The following CYRIA variants were observed in gnomAD, a reference collection of about 807,000 sequenced individuals.
CYRIA encodes the protein CYFIP-related Rac1 interactor A.
A neutral mutation model predicts 43.9 loss-of-function variants in CYRIA; 15 were observed. The observed-to-expected ratio is 0.34, with a 90% CI of 0.23 to 0.53. The LOEUF is 0.53. Ranked by LOEUF, CYRIA falls within the 20% of genes least tolerant of loss-of-function variation. The probability of loss-of-function intolerance (pLI) is 0.94; values close to 1 mark genes in which losing one functional copy is unlikely to be tolerated. For synonymous variants in CYRIA, 117 were observed against 136.0 expected, an observed-to-expected ratio of 0.86 and a Z score of 0.97; for missense variants, 236 against 394.2, an observed-to-expected ratio of 0.60 and a Z score of 3.40.
intron 3 of CYRIA, among the ~76,000 whole-genome samples, chr2:16,568,734 A>ATCTTGG (rs1476366832): frequency 2.0e-5 from 3 of 152,232 alleles, no homozygotes; most frequent in Non-Finnish European, 2.9e-5. Context: ...GTCAGTGACC[A>ATCTTGG]AGATTCTCAG....
intron 1 of CYRIA, among the ~76,000 whole-genome samples, chr2:16,632,077 C>A (rs1195318435): frequency 1.3e-5 from 2 of 152,200 alleles, no homozygotes; most frequent in African/African-American, 2.4e-5. Context: ...GTTGGGTGTT[C>A]CGTAGAGACC....
At chr2:16,655,114 A>C (rs959236035) in intron 1 of CYRIA, among the ~76,000 whole-genome samples, 1 of 152,106 alleles carries the variant, frequency 6.6e-6, no homozygotes, top group Non-Finnish European at 1.5e-5. Context: ...TGCACTTAGC[A>C]CTCCATCCAC....
chr2:16,564,704 G>A (rs929634228), intron 4 of CYRIA, among the ~76,000 whole-genome samples: 7 of 152,060 alleles, frequency 4.6e-5, no homozygotes, highest in East Asian at 1.9e-4. Context: ...ATTGGCATGC[G>A]TATATGTATG....
chr2:16,591,531 A>C (rs1667928962), intron 2 of CYRIA, among the ~76,000 whole-genome samples: 1 of 152,194 alleles, frequency 6.6e-6, no homozygotes, highest in Admixed American at 6.5e-5. Flanking sequence ...GGATGAGCTG[A>C]GTCTCAGAGC....
intron 1 of CYRIA, among the ~76,000 whole-genome samples, chr2:16,642,858 G>A (rs1054833985): frequency 6.6e-5 from 10 of 151,928 alleles, no homozygotes; most frequent in South Asian, 2.1e-4. Flanking sequence ...CATCCTGACC[G>A]CCCTTTTCAA....
intron 1 of CYRIA, among the ~76,000 whole-genome samples, chr2:16,653,113 A>G (rs1470299792): frequency 3.9e-5 from 6 of 152,230 alleles, no homozygotes; most frequent in South Asian, 2.1e-4. Context: ...CCTGTCCTGC[A>G]TGGTGCACAG....
At position 16,555,097 on chromosome 2, in the gene CYRIA, T is replaced by G. The variant is rs1454527933; in HGVS notation, c.880A>C (p.Ser294Arg). 6.2e-7 allele frequency: 1 copy of G among 1,613,302 alleles called. No homozygotes were observed. The highest frequency in any genetic ancestry group is 1.7e-5 in the Admixed American group (1 of 59,940). The change falls in exon 11 of 12, where the codon AGT (serine) becomes CGT (arginine). Residue 294 changes from serine to arginine, a missense_variant. By Grantham distance (110) the Ser-to-Arg change is moderately radical. This residue lies in a region of CYRIA where 40 missense variants were observed against 62.2 expected (regional missense o/e 0.64). Coordinates refer to ENST00000381323, the MANE Select transcript of CYRIA (RefSeq NM_030797.4). ...AGGGCATTTAGCAGCCCCTCCACACTGTCTGGGGCCTGCTCCTTCAAAACT... is the reference window on the plus strand; with the variant it reads ...AGGGCATTTAGCAGCCCCTCCACACGGTCTGGGGCCTGCTCCTTCAAAACT... ...IKVLKEQAPDSVEGLLNALRF... is the reference protein window; with the variant it reads ...IKVLKEQAPDRVEGLLNALRF...
chr2:16,610,480 C>T (rs574229062), intron 2 of CYRIA, among the ~76,000 whole-genome samples: 2 of 152,296 alleles, frequency 1.3e-5, no homozygotes, highest in East Asian at 1.9e-4. Context: ...AACTTATTAG[C>T]ACATGGTTTG....
chr2:16,664,675 T>C (rs914637454), intron 1 of CYRIA, among the ~76,000 whole-genome samples: 1 of 152,200 alleles, frequency 6.6e-6, no homozygotes, highest in Non-Finnish European at 1.5e-5. Flanking sequence ...ATCAGCATTC[T>C]GTGCCCTGGG....
chr2:16,574,351 A>G lies in CYRIA; in HGVS notation c.71-8584T>C, dbSNP rs1015939623. Among the ~76,000 whole-genome samples, 3 of 152,350 alleles carry G rather than the reference A, an allele frequency of 2.0e-5. No individual in the cohort carries two copies. The East Asian group carries it at 5.8e-4, about 29-fold the overall frequency. On this transcript the variant is annotated intron_variant, in intron 3 of 11. Transcript: ENST00000381323. ...GGAAAACAGAGCATAAAAGTTTGGA[A>G]AATGTGCAGCCTGACAACGTGATAG...
At position 16,561,546 on chromosome 2, in the gene CYRIA, G is replaced by T; in HGVS notation, c.436-13C>A. On this transcript the variant is annotated splice_polypyrimidine_tract_variant and intron_variant, in intron 6 of 11. Coordinates refer to ENST00000381323, the MANE Select transcript of CYRIA (RefSeq NM_030797.4). ...CCGGGTTCCTCATCTGAAATTCAGA[G>T]GACAAGAGCGAAGGTCATCTCTCAG... 1.2e-6 allele frequency: 2 copies of T among 1,607,974 alleles called. No individual in the cohort carries two copies. The highest frequency in any genetic ancestry group is 1.7e-6 in the Non-Finnish European group (2 of 1,174,628).
intron 3 of CYRIA, among the ~76,000 whole-genome samples, chr2:16,576,974 A>G (rs34121812): frequency 0.037 from 5,609 of 152,306 alleles, 178 homozygotes; most frequent in Non-Finnish European, 0.059. Flanking sequence ...TCAAAGTCAT[A>G]GAAACAGAGA....
At chr2:16,593,936 T>A (rs1352090768) in intron 2 of CYRIA, among the ~76,000 whole-genome samples, 1 of 121,438 alleles carries the variant, frequency 8.2e-6, no homozygotes, top group East Asian at 2.6e-4. Flanking sequence ...GTCCATGTGA[T>A]CTCATTGTTC....
chr2:16,660,004 G>C (rs1172100512), intron 1 of CYRIA, among the ~76,000 whole-genome samples: 1 of 151,986 alleles, frequency 6.6e-6, no homozygotes, highest in Admixed American at 6.6e-5. Flanking sequence ...GCCAGAAAGT[G>C]GCTCCCTTTC....
chr2:16,638,953 A>C lies in CYRIA; in HGVS notation c.-166-14934T>G, dbSNP rs564429030. ...GTTATAAGAATAAAGTGAGATAATT[A>C]ATAAATAATTATTAAAGATTAAGAA... On this transcript the variant is annotated intron_variant, in intron 1 of 11. Coordinates refer to ENST00000381323, the MANE Select transcript of CYRIA (RefSeq NM_030797.4). Among the ~76,000 whole-genome samples, 83 of 152,368 alleles carry C rather than the reference A, an allele frequency of 5.4e-4. 1 individual carries two copies. Among genetic ancestry groups the C allele is most frequent in the African/African-American group, 1.9e-3 (80 of 41,594 alleles).
chr2:16,607,426 C>G (rs1319061802), intron 2 of CYRIA, among the ~76,000 whole-genome samples: 1 of 152,176 alleles, frequency 6.6e-6, no homozygotes, highest in Non-Finnish European at 1.5e-5. Context: ...GCTAAGCTGG[C>G]TGTCAAATAA....
Position 16,561,303 on chromosome 2 carries a change from G to A in CYRIA, c.514-26C>T, listed in dbSNP as rs763990121. The A allele has an allele frequency of 4.5e-6, 7 of 1,557,112 alleles. No individual in the cohort carries two copies. In the South Asian group the frequency reaches 6.7e-5, roughly 15 times the overall value. Reference sequence around the variant, plus strand: ...CTGATGAAAATAAGAAGAGAAGATGGATTTATAAAGAGAAAGTCCAAATCC... The same window carrying A: ...CTGATGAAAATAAGAAGAGAAGATGAATTTATAAAGAGAAAGTCCAAATCC... On this transcript the variant is annotated intron_variant, in intron 7 of 11. Coordinates refer to ENST00000381323, the MANE Select transcript of CYRIA (RefSeq NM_030797.4).
intron 4 of CYRIA, among the ~76,000 whole-genome samples, 164 bp downstream of exon 4, chr2:16,565,482 G>A (rs936410496): frequency 6.6e-6 from 1 of 152,082 alleles, no homozygotes; most frequent in Non-Finnish European, 1.5e-5. Context: ...CACCGCAGCC[G>A]GCCCATGCAT....
chr2:16,558,081 T>C (rs1666591476), intron 10 of CYRIA, among the ~76,000 whole-genome samples: 1 of 152,100 alleles, frequency 6.6e-6, no homozygotes, highest in African/African-American at 2.4e-5. Flanking sequence ...CACACACATG[T>C]CCACACAAGC....
Sources: allele counts gnomAD v4.1 joint callset (sites outside exome capture counted in the v4.1 genomes callset), GRCh38; gene constraint gnomAD v4.1.1; regional missense constraint gnomAD v4.1.1; transcripts MANE v1.5; gene names NCBI Gene and HGNC (gene_info 2026-07-23, HGNC 2026-07-21).